TRAPPC11: variants seen among roughly 807,000 people sequenced by gnomAD.
TRAPPC11 encodes the protein foie gras homolog.
TRAPPC11 carries 104 observed loss-of-function variants against 151.2 expected under a neutral mutation model. The ratio of observed to expected loss-of-function variants is 0.69; its 90% confidence interval spans 0.59 to 0.81. The LOEUF is 0.81. TRAPPC11 is among the 30% of genes least tolerant of loss of function. The pLI, the probability that TRAPPC11 is intolerant of heterozygous loss-of-function variation, is 0.00. For synonymous variants in TRAPPC11, 456 were observed against 472.3 expected (o/e 0.97, Z 0.45); for missense variants, 1,230 against 1,349.6 (o/e 0.91, Z 1.39).
At position 183,693,084 on chromosome 4, in the gene TRAPPC11, G is replaced by A. The variant is rs1736338458; in HGVS notation, c.2174G>A (p.Arg725Lys). 1 of 1,613,194 alleles carries A rather than the reference G, an allele frequency of 6.2e-7. No individual in the cohort carries two copies. Among genetic ancestry groups the A allele is most frequent in the Non-Finnish European group, 8.5e-7 (1 of 1,179,464 alleles). ...TTACAGGCAGCTCGGTCTTTCAAAA[G>A]GCGACCTAAGCTACCTGACAATGAA... Reference protein sequence around the residue: ...EALQAARSFKRRPKLPDNEVH... With the variant: ...EALQAARSFKKRPKLPDNEVH... The change falls in exon 20 of 30, where the codon AGG becomes AAG. Residue 725 changes from arginine to lysine, a missense_variant. Arg to Lys is a conservative substitution (Grantham distance 26, BLOSUM62 2). Coordinates refer to ENST00000334690, the MANE Select transcript of TRAPPC11 (RefSeq NM_021942.6).
intron 5 of TRAPPC11, among the ~76,000 whole-genome samples, chr4:183,668,963 T>C (rs1026684045): frequency 9.9e-5 from 15 of 152,240 alleles, no homozygotes; most frequent in African/African-American, 3.6e-4. Flanking sequence ...CTTGCATTTG[T>C]TTCTTTCTCA....
intron 10 of TRAPPC11, 44 bp from the exon 11 acceptor site, chr4:183,682,688 T>G: frequency 7.3e-6 from 10 of 1,366,406 alleles, no homozygotes; most frequent in Non-Finnish European, 9.1e-6. Context: ...TGATTTGCGA[T>G]GAGTTCCATA....
chr4:183,697,146 A>C (rs1374071572), intron 23 of TRAPPC11, among the ~76,000 whole-genome samples: 1 of 152,144 alleles, frequency 6.6e-6, no homozygotes, highest in African/African-American at 2.4e-5. Flanking sequence ...CAACATAGCA[A>C]GACCCCATCT....
At chr4:183,688,181 A>T (rs972920347) in intron 18 of TRAPPC11, among the ~76,000 whole-genome samples, 1 of 152,202 alleles carries the variant, frequency 6.6e-6, no homozygotes, top group African/African-American at 2.4e-5. Context: ...GCCAGGACAG[A>T]ATCAAAGATT....
intron 1 of TRAPPC11, among the ~76,000 whole-genome samples, chr4:183,661,422 A>T (rs1382366775): frequency 1.7e-5 from 2 of 118,616 alleles, no homozygotes; most frequent in South Asian, 2.8e-4. Context: ...CCCAGGCTGG[A>T]GTGCAGTGGC....
intron 27 of TRAPPC11, among the ~76,000 whole-genome samples, 159 bp downstream of exon 27, chr4:183,705,229 T>C (rs1244203390): frequency 1.3e-5 from 2 of 152,150 alleles, no homozygotes; most frequent in Non-Finnish European, 2.9e-5. Flanking sequence ...TTCTACACAC[T>C]CCTCCTACCC....
chr4:183,698,183 TGAGAA>T (rs1243944600), intron 25 of TRAPPC11, among the ~76,000 whole-genome samples: 4 of 152,158 alleles, frequency 2.6e-5, no homozygotes, highest in African/African-American at 7.2e-5. Context: ...TAACTTGAAA[TGAGAA>T]AAGGTATTTA....
chr4:183,676,549 G>A (rs1318485366), intron 7 of TRAPPC11, among the ~76,000 whole-genome samples: 1 of 152,166 alleles, frequency 6.6e-6, no homozygotes, highest in African/African-American at 2.4e-5. Context: ...GAAAAGTTAT[G>A]AACAAACTTT....
At chr4:183,671,275 T>G (rs1486466115) in intron 5 of TRAPPC11, among the ~76,000 whole-genome samples, 2 of 152,244 alleles carry the variant, frequency 1.3e-5, no homozygotes, top group Non-Finnish European at 2.9e-5. Context: ...TACAGATTCA[T>G]GCAGTTAGAT....
chr4:183,691,558 T>A, intron 19 of TRAPPC11, 87 bp downstream of exon 19: 1 of 884,286 alleles, frequency 1.1e-6, no homozygotes, highest in Non-Finnish European at 1.5e-6. Context: ...GTTGATTAAG[T>A]AAAAAATGAA....
At chr4:183,663,687 T>G (rs1322891108) in intron 1 of TRAPPC11, among the ~76,000 whole-genome samples, 160 bp from the exon 2 acceptor site, 1 of 151,972 alleles carries the variant, frequency 6.6e-6, no homozygotes, top group Non-Finnish European at 1.5e-5. Flanking sequence ...ATTATTTTTT[T>G]GTAATGATTT....
chr4:183,697,513 T>TA lies in TRAPPC11; in HGVS notation c.2641dup (p.Thr881AsnfsTer3), dbSNP rs780905053. On this transcript the variant is annotated frameshift_variant, in exon 24 of 30. Transcript: ENST00000334690. LOFTEE classifies it high-confidence loss of function. Reference sequence around the variant, plus strand: ...TACATTTTCTTGCAGGATGAAACTGTAACAATTGAAACAGTCTTTCCATTT... The same window carrying TA: ...TACATTTTCTTGCAGGATGAAACTGTAAACAATTGAAACAGTCTTTCCATTT... The TA allele has an allele frequency of 1.9e-6, 3 of 1,598,812 alleles. No individual in the cohort carries two copies. Among genetic ancestry groups the TA allele is most frequent in the Non-Finnish European group, 2.5e-6 (3 of 1,176,746 alleles).
At chr4:183,661,361 C>CTTTTTTTTT (rs139201416) in intron 1 of TRAPPC11, among the ~76,000 whole-genome samples, 10 of 79,394 alleles carry the variant, frequency 1.3e-4, no homozygotes, top group Non-Finnish European at 2.2e-4. Flanking sequence ...TGTAGATTAC[C>CTTTTTTTTT]TTTTTTTTTT....
At chr4:183,710,549 G>A (rs1737293011) in intron 29 of TRAPPC11, among the ~76,000 whole-genome samples, 1 of 151,212 alleles carries the variant, frequency 6.6e-6, no homozygotes, top group South Asian at 2.1e-4. Context: ...GCCTCCTAAA[G>A]TGCTGGGATT....
At chr4:183,677,005 TC>T (rs2111338564) in intron 7 of TRAPPC11, among the ~76,000 whole-genome samples, 1 of 152,320 alleles carries the variant, frequency 6.6e-6, no homozygotes, top group East Asian at 1.9e-4. Flanking sequence ...CCTCAAGTGA[TC>T]CGCCCACCTC....
At position 183,680,175 on chromosome 4, in the gene TRAPPC11, A is replaced by G; in HGVS notation, c.1021A>G (p.Ile341Val). 6.2e-7 allele frequency: 1 copy of G among 1,614,062 alleles called. No individual in the cohort carries two copies. Among genetic ancestry groups the G allele is most frequent in the Non-Finnish European group, 8.5e-7 (1 of 1,179,996 alleles). The change falls in exon 10 of 30, where the codon ATT becomes GTT. Residue 341 changes from isoleucine (I) to valine (V), a missense_variant. By Grantham distance (29) the Ile-to-Val change is conservative. Transcript: ENST00000334690. ...AGCTATTAAGTTAGGGTTAACAGCT[A>G]TTCAAACTCAGAATCCTGGTTTCTA... ...DEAIKLGLTAIQTQNPGFYYQ... is the reference protein window; with the variant it reads ...DEAIKLGLTAVQTQNPGFYYQ...
At chr4:183,701,383 A>C (rs1736791396) in intron 25 of TRAPPC11, 1 of 200,164 alleles carries the variant, frequency 5.0e-6, no homozygotes. Context: ...AATTTGGAAA[A>C]AGAAAAACAA....
intron 25 of TRAPPC11, among the ~76,000 whole-genome samples, chr4:183,699,504 A>C (rs1426564201): frequency 6.6e-6 from 1 of 152,194 alleles, no homozygotes; most frequent in Non-Finnish European, 1.5e-5. Flanking sequence ...CATAGTACTT[A>C]GCTAATAAGT....
At chr4:183,684,953 A>G (rs556030270) in intron 15 of TRAPPC11, 112 bp downstream of exon 15, 113 of 1,299,176 alleles carry the variant, frequency 8.7e-5, no homozygotes, top group Admixed American at 5.4e-4. Flanking sequence ...ATACTTTACT[A>G]TGTGCAAATC....
Sources: allele counts gnomAD v4.1 joint callset (sites outside exome capture counted in the v4.1 genomes callset), GRCh38; gene constraint gnomAD v4.1.1; transcripts MANE v1.5; gene names NCBI Gene and HGNC (gene_info 2026-07-23, HGNC 2026-07-21).